ZFAND6: variants seen among roughly 807,000 people sequenced by gnomAD.
ZFAND6 encodes the protein AN1-type zinc finger protein 6.
Under a neutral mutation model 24.5 loss-of-function variants are expected in ZFAND6, and 12 were observed. The ratio of observed to expected loss-of-function variants is 0.49; its 90% CI spans 0.31 to 0.79. The LOEUF (loss-of-function observed/expected upper bound fraction) is 0.79. Among genes scored for constraint, ZFAND6 ranks in the 30% least tolerant of loss-of-function variants. The probability of loss-of-function intolerance (pLI) is 0.04; values close to 1 mark genes in which losing one functional copy is unlikely to be tolerated. For synonymous variants in ZFAND6, 92 were observed against 81.5 expected (o/e 1.13, Z -0.69); for missense variants, 207 against 245.9 (o/e 0.84, Z 1.06).
In ZFAND6 at chr15:80,134,221, C is replaced by T. The variant is rs955055762; in HGVS notation, c.478+2928C>T. 2.0e-4 allele frequency among the ~76,000 whole-genome samples: 31 copies of T among 152,218 alleles called. No homozygotes were observed. The East Asian group carries it at 3.7e-3, about 18-fold the overall frequency. ...GCCAAGCTGGTCCCAAACTCCTGAT[C>T]GCAGGTGATCCGTCCACCTCAGCCT... On this transcript the variant is annotated intron_variant, in intron 6 of 6. Coordinates refer to ENST00000261749, the MANE Select transcript of ZFAND6 (RefSeq NM_019006.4).
intron 2 of ZFAND6, among the ~76,000 whole-genome samples, chr15:80,103,768 T>G (rs2039160490): frequency 6.6e-6 from 1 of 152,216 alleles, no homozygotes; most frequent in Admixed American, 6.5e-5. Flanking sequence ...CAATCTTTGA[T>G]AGAACAAAAG....
chr15:80,131,764 G>C (rs932520232), intron 6 of ZFAND6, among the ~76,000 whole-genome samples: 1 of 152,232 alleles, frequency 6.6e-6, no homozygotes, highest in African/African-American at 2.4e-5. Flanking sequence ...ATCAGATGCA[G>C]ATGGTGGTGG....
At chr15:80,134,331 AACCTCATGAGTTCAGC>A (rs1420749875) in intron 6 of ZFAND6, among the ~76,000 whole-genome samples, 1 of 152,186 alleles carries the variant, frequency 6.6e-6, no homozygotes, top group Non-Finnish European at 1.5e-5. Context: ...GGCCACCCAG[AACCTCATGAGTTCAGC>A]ACTGAAGGCG....
intron 5 of ZFAND6, among the ~76,000 whole-genome samples, chr15:80,127,783 A>G (rs972640195): frequency 2.0e-5 from 3 of 152,074 alleles, no homozygotes; most frequent in African/African-American, 4.8e-5. Flanking sequence ...CTGGAAAACA[A>G]TCTCCTAGCT....
At position 80,104,258 on chromosome 15, in the gene ZFAND6, C is replaced by G. The variant is rs532799572; in HGVS notation, c.-18+5680C>G. 2.6e-5 allele frequency among the ~76,000 whole-genome samples: 4 copies of G among 152,276 alleles called. No homozygotes were observed. In the East Asian group the frequency reaches 5.8e-4, roughly 22 times the overall value. On this transcript the variant is annotated intron_variant, in intron 2 of 6. Transcript: ENST00000261749. ...AGCCAGAGGCTGGGTGGGCGGTTCA[C>G]GCCTTATAATCCCAGCACTTTGGGA... is the stretch of plus-strand genomic sequence containing the variant.
At chr15:80,094,413 C>CT (rs1225485660) in intron 1 of ZFAND6, among the ~76,000 whole-genome samples, 1 of 152,164 alleles carries the variant, frequency 6.6e-6, no homozygotes, top group Non-Finnish European at 1.5e-5. Flanking sequence ...TTATGAGAAC[C>CT]TAAGGCCTGA....
At chr15:80,061,109 C>T (rs1346099726) in intron 1 of ZFAND6, among the ~76,000 whole-genome samples, 3 of 152,100 alleles carry the variant, frequency 2.0e-5, no homozygotes, top group Non-Finnish European at 4.4e-5. Flanking sequence ...CTCCAGAGCC[C>T]TAGGGGAAAT....
At chr15:80,083,994 C>T (rs952853032) in intron 1 of ZFAND6, among the ~76,000 whole-genome samples, 8 of 152,162 alleles carry the variant, frequency 5.3e-5, no homozygotes, top group Non-Finnish European at 1.0e-4. Context: ...GGGGCGTGGT[C>T]TGATCACCCT....
intron 6 of ZFAND6, 175 bp downstream of exon 6, chr15:80,131,468 A>G (rs1396832287): frequency 1.0e-5 from 5 of 496,288 alleles, no homozygotes; most frequent in Non-Finnish European, 1.4e-5. Flanking sequence ...TACACCTAAA[A>G]GTGAAATGAA....
chr15:80,136,280 C>G (rs964228382), intron 6 of ZFAND6, among the ~76,000 whole-genome samples: 2 of 152,044 alleles, frequency 1.3e-5, no homozygotes, highest in African/African-American at 4.8e-5. Flanking sequence ...TCCTGGCCAA[C>G]ATGGTGAAAC....
At chr15:80,066,035 A>G (rs1446807245) in intron 1 of ZFAND6, among the ~76,000 whole-genome samples, 1 of 152,122 alleles carries the variant, frequency 6.6e-6, no homozygotes, top group Admixed American at 6.5e-5. Context: ...TTTTTCAACA[A>G]GTATTTAAGC....
chr15:80,068,039 G>A (rs1204009810), intron 1 of ZFAND6, among the ~76,000 whole-genome samples: 1 of 151,424 alleles, frequency 6.6e-6, no homozygotes, highest in Non-Finnish European at 1.5e-5. Flanking sequence ...TCGGCTCACT[G>A]CAACCTCTGC....
chr15:80,077,641 A>G (rs868320197), intron 1 of ZFAND6, among the ~76,000 whole-genome samples: 12 of 152,002 alleles, frequency 7.9e-5, no homozygotes, highest in African/African-American at 2.9e-4. Context: ...AGGTAATTAT[A>G]AGCATAGTAA....
At position 80,120,470 on chromosome 15, in the gene ZFAND6, T is replaced by C; in HGVS notation, c.126T>C (p.Asn42=). 2 of 1,579,056 alleles carry C rather than the reference T, an allele frequency of 1.3e-6. No individual in the cohort carries two copies. Among genetic ancestry groups the C allele is most frequent in the Non-Finnish European group, 1.7e-6 (2 of 1,159,010 alleles). ...VCYKEHLQRQ[N]SSNGRISPPA... ...ATAAAGAACATCTTCAAAGACAGAA[T>C]AGTAGTAATGGTAGAATAAGCCCAC... Residue 42 remains asparagine, a synonymous_variant, in exon 3 of 7, where the codon AAT becomes AAC. Transcript: ENST00000261749.
chr15:80,078,584 G>A (rs1290306859), intron 1 of ZFAND6, among the ~76,000 whole-genome samples: 1 of 152,214 alleles, frequency 6.6e-6, no homozygotes, highest in Non-Finnish European at 1.5e-5. Flanking sequence ...CCAGTAATGG[G>A]ATTGCTGGGT....
At chr15:80,132,506 A>G (rs2040650922) in intron 6 of ZFAND6, among the ~76,000 whole-genome samples, 1 of 152,226 alleles carries the variant, frequency 6.6e-6, no homozygotes, top group Non-Finnish European at 1.5e-5. Flanking sequence ...TGTGGTATAT[A>G]CTATACTTCT....
upstream of ZFAND6, among the ~76,000 whole-genome samples, chr15:80,059,399 C>A (rs1271138245): frequency 6.6e-6 from 1 of 152,204 alleles, no homozygotes; most frequent in African/African-American, 2.4e-5. Flanking sequence ...GCGGGAAGCG[C>A]CCCAGAGAGG....
Position 80,065,078 on chromosome 15 carries a change from C to G in ZFAND6, c.-181+5269C>G, listed in dbSNP as rs115867828. On this transcript the variant is annotated intron_variant, in intron 1 of 6. Transcript: ENST00000261749. ...ACTTTTTAAGAAAATTAGGTTAATA[C>G]TTTCTTTTATGGCTTCTACTTTGCT... Among the ~76,000 whole-genome samples the G allele has an allele frequency of 5.6e-3, 712 of 127,878 alleles. 6 individuals are homozygous for G. The highest frequency in any genetic ancestry group is 0.02 in the African/African-American group (676 of 34,214). 83.9% of individuals were successfully genotyped at this position (127,878 alleles called of 152,430 possible).
intron 1 of ZFAND6, among the ~76,000 whole-genome samples, chr15:80,088,873 G>A (rs1041764768): frequency 2.0e-5 from 3 of 152,178 alleles, no homozygotes; most frequent in Non-Finnish European, 4.4e-5. Context: ...AGGGCTGGTG[G>A]CTACTTAATA....
Sources: gnomAD v4.1 joint callset for allele counts (sites outside exome capture counted in the v4.1 genomes callset) on GRCh38, gnomAD v4.1.1 for gene constraint, MANE v1.5 for transcripts, NCBI Gene and HGNC (gene_info 2026-07-23, HGNC 2026-07-21) for gene names.